The following PIK3R1 variants were observed in gnomAD, a reference collection of about 807,000 sequenced individuals.
The protein encoded by PIK3R1 is phosphatidylinositol 3-kinase regulatory subunit alpha.
In PIK3R1, 29 loss-of-function variants were observed where a neutral mutation model predicts 98.0. The ratio of observed to expected loss-of-function variants is 0.30; its 90% CI spans 0.22 to 0.40. The LOEUF (loss-of-function observed/expected upper bound fraction) is 0.40. Among genes scored for constraint, PIK3R1 ranks in the 10% least tolerant of loss-of-function variants. PIK3R1 has a pLI of 1.00. For synonymous variants in PIK3R1, 282 were observed against 311.8 expected (o/e 0.90, Z 1.01); for missense variants, 596 against 872.7 (o/e 0.68, Z 3.99).
rs1471319278 is a variant in PIK3R1 at position 68,296,389 on chromosome 5, G to A, written c.1985+48G>A. The A allele has an allele frequency of 4.0e-6, 6 of 1,518,206 alleles. No individual in the cohort carries two copies. The Admixed American group carries it at 9.5e-5, about 24-fold the overall frequency. The allele number at this position is 1,518,206 out of a possible 1,614,324, so 94.0% of individuals were successfully genotyped here. ...TCTTTACAACATCTCATGAAGAGAT[G>A]TTTCATTTATTCATTCATTGAGTTT... On this transcript the variant is annotated intron_variant, in intron 15 of 15. Coordinates refer to ENST00000521381, the MANE Select transcript of PIK3R1 (RefSeq NM_181523.3).
rs2112312072 is a variant in PIK3R1 at position 68,300,619 on chromosome 5, TAAATG to T, written c.*3019_*3023del. 4.3e-6 allele frequency: 1 copy of T among 233,280 alleles called. No homozygotes were observed. Among genetic ancestry groups the T allele is most frequent in the East Asian group, 6.0e-5 (1 of 16,576 alleles). 14.5% of individuals were successfully genotyped at this position (233,280 alleles called of 1,614,324 possible). On this transcript the variant is annotated 3_prime_UTR_variant, in exon 16 of 16. Coordinates refer to ENST00000521381, the MANE Select transcript of PIK3R1 (RefSeq NM_181523.3). ...CATCTGATAACTTCATGGCCTTTGA[TAAATG>T]TATATATGTATATGTGCATGGACTG...
chr5:68,226,667 T>C lies in PIK3R1; in HGVS notation c.-9T>C, dbSNP rs1744286487. Reference sequence around the variant, plus strand: ...GGCTCAACTGTTGCATGGTAGCAGATTTGCAAACATGAGTGCTGAGGGGTA... The same window carrying C: ...GGCTCAACTGTTGCATGGTAGCAGACTTGCAAACATGAGTGCTGAGGGGTA... On this transcript the variant is annotated 5_prime_UTR_variant, in exon 2 of 16. Coordinates refer to ENST00000521381, the MANE Select transcript of PIK3R1 (RefSeq NM_181523.3). The C allele has an allele frequency of 6.2e-7, 1 of 1,607,526 alleles. No homozygotes were observed. The highest frequency in any genetic ancestry group is 1.3e-5 in the African/African-American group (1 of 74,666).
chr5:68,261,651 G>A (rs1745751836), intron 2 of PIK3R1, among the ~76,000 whole-genome samples: 1 of 152,108 alleles, frequency 6.6e-6, no homozygotes, highest in Admixed American at 6.5e-5. Flanking sequence ...CCAACAGGGG[G>A]AAACCTGAAA....
At chr5:68,224,388 A>G (rs1055203772) in intron 1 of PIK3R1, among the ~76,000 whole-genome samples, 3 of 152,178 alleles carry the variant, frequency 2.0e-5, no homozygotes, top group Non-Finnish European at 4.4e-5. Flanking sequence ...TTCTCCGACA[A>G]CTGAAATGCG....
chr5:68,274,136 A>G, intron 4 of PIK3R1, 123 bp downstream of exon 4: 1 of 778,656 alleles, frequency 1.3e-6, no homozygotes, highest in Non-Finnish European at 2.2e-6. Flanking sequence ...AGGGAACTCA[A>G]ATCATGTACA....
chr5:68,256,424 G>A (rs766465984), intron 2 of PIK3R1, among the ~76,000 whole-genome samples: 2 of 152,030 alleles, frequency 1.3e-5, no homozygotes, highest in Non-Finnish European at 2.9e-5. Flanking sequence ...TAGAGACAGG[G>A]TTTCACCGTG....
chr5:68,226,026 T>TAA (rs1580172887), intron 1 of PIK3R1, among the ~76,000 whole-genome samples: 1 of 152,134 alleles, frequency 6.6e-6, no homozygotes, highest in Non-Finnish European at 1.5e-5. Context: ...TGGCTCTGTG[T>TAA]ACTCTGAGCC....
At chr5:68,256,290 C>T (rs938441851) in intron 2 of PIK3R1, among the ~76,000 whole-genome samples, 1 of 152,186 alleles carries the variant, frequency 6.6e-6, no homozygotes, top group South Asian at 2.1e-4. Context: ...AGTGCAATGG[C>T]GCAGTCTCGG....
At chr5:68,273,800 G>C in intron 3 of PIK3R1, 139 bp from the exon 4 acceptor site, 1 of 712,324 alleles carries the variant, frequency 1.4e-6, no homozygotes, top group Non-Finnish European at 2.4e-6. Flanking sequence ...TTAATAGTAG[G>C]AGTTGACTTC....
At chr5:68,243,658 G>A (rs551200389) in intron 2 of PIK3R1, among the ~76,000 whole-genome samples, 12 of 152,254 alleles carry the variant, frequency 7.9e-5, no homozygotes, top group South Asian at 6.2e-4. Flanking sequence ...AGTTCAATTC[G>A]TTAACCTGAA....
intron 2 of PIK3R1, among the ~76,000 whole-genome samples, chr5:68,271,688 A>G (rs1746365914): frequency 6.6e-6 from 1 of 152,228 alleles, no homozygotes; most frequent in African/African-American, 2.4e-5. Context: ...CATTTCCATC[A>G]TCACAGAAAG....
chr5:68,295,486 A>G lies in PIK3R1; in HGVS notation c.1812A>G (p.Glu604=). 1 of 1,613,278 alleles carries G rather than the reference A, an allele frequency of 6.2e-7. No homozygotes were observed. Among genetic ancestry groups the G allele is most frequent in the Non-Finnish European group, 8.5e-7 (1 of 1,179,212 alleles). Residue 604 remains glutamate, a splice_region_variant and synonymous_variant, in exon 14 of 16, where the codon GAA becomes GAG. Transcript: ENST00000521381. The stretch of plus-strand genomic sequence containing the variant: ...AGTGGTTGGGCAATGAAAACACTGA[A>G]GAGTAAGTAGTTACTAAAGATGGTG... ...LNEWLGNENT[E]DQYSLVEDDE...
At chr5:68,277,380 T>C (rs76951416) in intron 4 of PIK3R1, among the ~76,000 whole-genome samples, 1,901 of 152,330 alleles carry the variant, frequency 0.012, 40 homozygotes, top group African/African-American at 0.043. Flanking sequence ...ATGTGATATG[T>C]CTCTGGTTGG....
chr5:68,297,311 A>G, intron 15 of PIK3R1, 101 bp from the exon 16 acceptor site: 3 of 1,030,634 alleles, frequency 2.9e-6, no homozygotes, highest in Non-Finnish European at 4.3e-6. Flanking sequence ...CCTTTCCCCA[A>G]GTTGAGACTG....
chr5:68,284,298 T>C (rs1746983906), intron 7 of PIK3R1, among the ~76,000 whole-genome samples: 1 of 152,228 alleles, frequency 6.6e-6, no homozygotes, highest in African/African-American at 2.4e-5. Context: ...TCAGGCCTTT[T>C]TCCTTACTGA....
At chr5:68,233,686 A>C (rs1384690926) in intron 2 of PIK3R1, among the ~76,000 whole-genome samples, 1 of 152,276 alleles carries the variant, frequency 6.6e-6, no homozygotes, top group East Asian at 1.9e-4. Flanking sequence ...ATAACTTTGA[A>C]TTAAAAACAA....
At chr5:68,223,348 C>A (rs1163180041) in intron 1 of PIK3R1, among the ~76,000 whole-genome samples, 1 of 152,048 alleles carries the variant, frequency 6.6e-6, no homozygotes, top group Non-Finnish European at 1.5e-5. Context: ...CCAGTCCCCA[C>A]CCCAATGACT....
intron 2 of PIK3R1, among the ~76,000 whole-genome samples, chr5:68,264,574 G>A (rs1369517191): frequency 2.0e-5 from 3 of 152,198 alleles, no homozygotes; most frequent in East Asian, 3.8e-4. Flanking sequence ...GCTGAGCAGA[G>A]TTTCTTACAC....
At chr5:68,280,338 CT>C (rs1746776613) in intron 5 of PIK3R1, 189 bp from the exon 6 acceptor site, 1 of 593,482 alleles carries the variant, frequency 1.7e-6, no homozygotes, top group Non-Finnish European at 3.0e-6. Flanking sequence ...TCCATTTGAC[CT>C]GAGATTTCTA....
Sources: gnomAD v4.1 joint callset for allele counts (sites outside exome capture counted in the v4.1 genomes callset) on GRCh38, gnomAD v4.1.1 for gene constraint, MANE v1.5 for transcripts, NCBI Gene and HGNC (gene_info 2026-07-23, HGNC 2026-07-21) for gene names.